PAICS: variants seen among roughly 807,000 people sequenced by gnomAD.
PAICS encodes phosphoribosylaminoimidazole carboxylase and phosphoribosylaminoimidazolesuccinocarboxamide synthase.
In PAICS, 33 loss-of-function variants were observed where a neutral mutation model predicts 53.7. The observed-to-expected ratio is 0.61, with a 90% CI of 0.47 to 0.82. The LOEUF (loss-of-function observed/expected upper bound fraction) is 0.82, where lower values mean the gene tolerates loss of function less well. Ranked by LOEUF, PAICS falls within the 40% of genes least tolerant of loss-of-function variation. The pLI is 0.00. For synonymous variants in PAICS, 141 were observed against 167.2 expected (o/e 0.84, Z 1.21); for missense variants, 394 against 494.1 (o/e 0.80, Z 1.92).
At chr4:56,447,887 G>A (rs1205621636) in intron 3 of PAICS, among the ~76,000 whole-genome samples, 1 of 151,908 alleles carries the variant, frequency 6.6e-6, no homozygotes. Context: ...TTCTTTAGAT[G>A]TCTCATTTTG....
rs1030959726 is a variant in PAICS, at chr4:56,463,500, CCTGA to C, written c.*3968_*3971del. The C allele has an allele frequency of 3.3e-5, 5 of 151,702 alleles. No homozygotes were observed. The highest frequency in any genetic ancestry group is 1.2e-4 in the African/African-American group (5 of 41,208). The allele number at this position is 151,702 out of a possible 1,614,324, so 9.4% of individuals were successfully genotyped here. A position where few individuals can be genotyped will look rare whatever the true frequency, so the allele number is the denominator to read the frequency against. On this transcript the variant is annotated 3_prime_UTR_variant, in exon 9 of 9. Coordinates refer to ENST00000512576, the MANE Select transcript of PAICS (RefSeq NM_001079524.2). ...CCTGAGGTCGGGAGTTCAAGACCAG[CCTGA>C]CTGACATGGAGAAACCCCCTCTTTA... is the stretch of plus-strand genomic sequence containing the variant.
In PAICS at chr4:56,443,863, C is replaced by T. The variant is rs1718458138; in HGVS notation, c.214+2003C>T. ...CTAAATGAAATACTCCAATAATTATCTTTAAACTACTTTATTTGGCACTTA... is the reference window on the plus strand; with the variant it reads ...CTAAATGAAATACTCCAATAATTATTTTTAAACTACTTTATTTGGCACTTA... On this transcript the variant is annotated intron_variant, in intron 2 of 8. Coordinates refer to ENST00000512576, the MANE Select transcript of PAICS (RefSeq NM_001079524.2). 2.0e-5 allele frequency among the ~76,000 whole-genome samples: 3 copies of T among 152,248 alleles called. No homozygotes were observed. In the South Asian group the frequency reaches 6.2e-4, roughly 32 times the overall value.
intron 2 of PAICS, chr4:56,446,373 A>C (rs1338589391): frequency 1.4e-6 from 1 of 717,970 alleles, no homozygotes; most frequent in East Asian, 2.7e-5. Context: ...CATATAAGTC[A>C]AATCGTAAGT....
chr4:56,430,834 G>T (rs1717545808), upstream of PAICS, among the ~76,000 whole-genome samples: 1 of 151,908 alleles, frequency 6.6e-6, no homozygotes, highest in Non-Finnish European at 1.5e-5. Flanking sequence ...TAGAAGACTT[G>T]CCCAAGATTA....
rs1719038798 is a variant in PAICS at position 56,453,641 on chromosome 4, A to C, written c.991A>C (p.Arg331=). The change falls in exon 8 of 9, where the codon AGA becomes CGA. Residue 331 remains arginine, a synonymous_variant. Coordinates refer to ENST00000512576, the MANE Select transcript of PAICS (RefSeq NM_001079524.2). Reference sequence around the variant, plus strand: ...TACTGTATTTGTGGCAGTGGCAGGCAGAAGTAATGGTTTGGGACCAGTGAT... The same window carrying C: ...TACTGTATTTGTGGCAGTGGCAGGCCGAAGTAATGGTTTGGGACCAGTGAT... The part of the protein sequence containing the change: ...IPTVFVAVAG[R]SNGLGPVMSG... 1.9e-6 allele frequency: 3 copies of C among 1,588,858 alleles called. No homozygotes were observed. Among genetic ancestry groups the C allele is most frequent in the Non-Finnish European group, 2.6e-6 (3 of 1,166,840 alleles).
upstream of PAICS, chr4:56,435,236 G>T (rs978764227): frequency 1.9e-5 from 28 of 1,480,224 alleles, no homozygotes; most frequent in South Asian, 2.5e-5. Flanking sequence ...TACTGGCTTA[G>T]GTCGGAGAGG....
chr4:56,423,479 A>T, the PAICS span: 1 of 152,162 alleles, frequency 6.6e-6, no homozygotes, highest in East Asian at 1.9e-4. Flanking sequence ...ATAAAATTTT[A>T]AAAAATAAGA....
the PAICS span, chr4:56,410,746 T>C: frequency 3.8e-5 from 38 of 987,098 alleles, no homozygotes; most frequent in African/African-American, 6.3e-4. Context: ...AATATGCCCA[T>C]AACTCTGGAG....
the PAICS span, chr4:56,420,245 T>C: frequency 0.19 from 29,338 of 152,734 alleles, 3,167 homozygotes; most frequent in Admixed American, 0.33. Flanking sequence ...GTGTTTCATA[T>C]ATATAGCTTA....
chr4:56,433,837 G>A (rs955438132), upstream of PAICS, among the ~76,000 whole-genome samples: 2 of 152,140 alleles, frequency 1.3e-5, no homozygotes, highest in South Asian at 2.1e-4. Flanking sequence ...TAGGACTACA[G>A]GAGCGCATCA....
chr4:56,457,018 A>G (rs1415479096), intron 8 of PAICS, among the ~76,000 whole-genome samples: 1 of 152,176 alleles, frequency 6.6e-6, no homozygotes, highest in African/African-American at 2.4e-5. Flanking sequence ...AACCCCTCAC[A>G]TTAGTGTCTA....
intron 1 of PAICS, among the ~76,000 whole-genome samples, chr4:56,440,224 T>C (rs140713490): frequency 6.6e-6 from 1 of 152,200 alleles, no homozygotes; most frequent in African/African-American, 2.4e-5. Context: ...ATTAAAGATG[T>C]TGGAGTTCTA....
rs1249985855 is a variant in PAICS at position 56,462,069 on chromosome 4, G to A, written c.*2531G>A. On this transcript the variant is annotated 3_prime_UTR_variant, in exon 9 of 9. Coordinates refer to ENST00000512576, the MANE Select transcript of PAICS (RefSeq NM_001079524.2). ...CCAGATGGAACTTATGTTTTAGAGG[G>A]GAAAACAAACCATAAAAAGGTAAAC... The A allele has an allele frequency of 3.3e-5, 5 of 151,954 alleles. No individual in the cohort carries two copies. The highest frequency in any genetic ancestry group is 7.4e-5 in the Non-Finnish European group (5 of 68,006). The allele number at this position is 151,954 out of a possible 1,614,324, so 9.4% of individuals were successfully genotyped here. A position where few individuals can be genotyped will look rare whatever the true frequency, so the allele number is the denominator to read the frequency against.
At chr4:56,434,440 C>A (rs371414302), upstream of PAICS, among the ~76,000 whole-genome samples, 1 of 152,158 alleles carries the variant, frequency 6.6e-6, no homozygotes, top group Non-Finnish European at 1.5e-5. Context: ...GAATATCAAA[C>A]CCAGGTTTGT....
the PAICS span, chr4:56,416,551 TTA>T: frequency 6.5e-6 from 1 of 154,504 alleles, no homozygotes; most frequent in Admixed American, 6.5e-5. Flanking sequence ...CAGAATTGAT[TTA>T]TGTTTCCCTT....
intron 1 of PAICS, among the ~76,000 whole-genome samples, chr4:56,436,786 G>T (rs1422704425): frequency 6.6e-6 from 1 of 152,198 alleles, no homozygotes; most frequent in East Asian, 1.9e-4. Flanking sequence ...CCTGAGGTCA[G>T]TAGTACGAGA....
intron 2 of PAICS, 175 bp downstream of exon 2, chr4:56,442,035 G>A (rs1008939826): frequency 1.9e-6 from 1 of 516,084 alleles, no homozygotes; most frequent in African/African-American, 1.9e-5. Context: ...TTTGGTTTGG[G>A]ATTATTAGTA....
chr4:56,434,367 C>T (rs898781634), upstream of PAICS, among the ~76,000 whole-genome samples: 9 of 152,198 alleles, frequency 5.9e-5, no homozygotes, highest in Non-Finnish European at 8.8e-5. Context: ...TGCCAAGTTC[C>T]TTAACTGTAG....
chr4:56,435,753 G>C (rs1717887121), upstream of PAICS: 40 of 1,491,864 alleles, frequency 2.7e-5, no homozygotes, highest in Admixed American at 6.1e-5. Flanking sequence ...GGTGGAGCTA[G>C]CCTTCCCCTA....
Sources: allele counts gnomAD v4.1 joint callset (sites outside exome capture counted in the v4.1 genomes callset), GRCh38; gene constraint gnomAD v4.1.1; transcripts MANE v1.5; gene names NCBI Gene and HGNC (gene_info 2026-07-23, HGNC 2026-07-21).